Variants in CCSER1 observed in about 807,000 individuals in gnomAD.
The protein encoded by CCSER1 is serine-rich coiled-coil domain-containing protein 1.
In CCSER1, 41 loss-of-function variants were observed where a neutral mutation model predicts 82.0. The ratio of observed to expected loss-of-function variants is 0.50; its 90% confidence interval spans 0.39 to 0.65. The LOEUF is 0.65. Ranked by LOEUF, CCSER1 falls within the 30% of genes least tolerant of loss-of-function variation. The pLI, the probability that CCSER1 is intolerant of heterozygous loss-of-function variation, is 0.00. For synonymous variants in CCSER1, 414 were observed against 383.9 expected, an observed-to-expected ratio of 1.08 and a Z score of -0.92; for missense variants, 1,119 against 1,064.2, an observed-to-expected ratio of 1.05 and a Z score of -0.72.
chr4:90,577,663 G>T (rs1219168375), intron 5 of CCSER1, among the ~76,000 whole-genome samples: 1 of 151,864 alleles, frequency 6.6e-6, no homozygotes, highest in Admixed American at 6.6e-5. Context: ...TTACATGCTG[G>T]CCTGGAATCC....
At chr4:91,486,934 A>G (rs533648119) in intron 10 of CCSER1, among the ~76,000 whole-genome samples, 8 of 152,244 alleles carry the variant, frequency 5.3e-5, no homozygotes, top group African/African-American at 1.9e-4. Context: ...AAAAATTTTA[A>G]TCATGTTGTA....
At chr4:91,415,525 T>C (rs1753307006) in intron 10 of CCSER1, among the ~76,000 whole-genome samples, 1 of 152,180 alleles carries the variant, frequency 6.6e-6, no homozygotes, top group South Asian at 2.1e-4. Flanking sequence ...TTTTGCCCAT[T>C]CTGTATGATA....
chr4:91,265,037 T>C (rs1026084268), intron 10 of CCSER1, among the ~76,000 whole-genome samples: 3 of 152,070 alleles, frequency 2.0e-5, no homozygotes, highest in African/African-American at 7.2e-5. Flanking sequence ...TTTTTTATAT[T>C]GATTTTATAA....
chr4:90,266,338 C>A (rs1725219887), intron 1 of CCSER1, among the ~76,000 whole-genome samples: 1 of 151,996 alleles, frequency 6.6e-6, no homozygotes, highest in African/African-American at 2.4e-5. Context: ...GAAATGTTTT[C>A]TCTGTATTGT....
intron 9 of CCSER1, among the ~76,000 whole-genome samples, chr4:91,053,602 T>C (rs1032066372): frequency 6.6e-6 from 1 of 152,168 alleles, no homozygotes; most frequent in African/African-American, 2.4e-5. Flanking sequence ...CCCTTCATGC[T>C]TGGGAATTTA....
intron 7 of CCSER1, among the ~76,000 whole-genome samples, chr4:90,759,268 AG>A (rs1372750044): frequency 1.3e-5 from 2 of 152,204 alleles, no homozygotes; most frequent in African/African-American, 4.8e-5. Context: ...ATTAATCTGA[AG>A]GCAAGAATGA....
At chr4:91,539,160 ATTC>A (rs1467145050) in intron 10 of CCSER1, among the ~76,000 whole-genome samples, 1 of 151,798 alleles carries the variant, frequency 6.6e-6, no homozygotes, top group Non-Finnish European at 1.5e-5. Flanking sequence ...TCTTATTCAT[ATTC>A]TTTTTTGTTT....
In CCSER1 at chr4:91,066,338, C is replaced by T. The variant is rs116808935; in HGVS notation, c.2173-19612C>T. Among the ~76,000 whole-genome samples the T allele has an allele frequency of 3.3e-3, 498 of 152,266 alleles. 3 individuals carry two copies. The highest frequency in any genetic ancestry group is 0.011 in the African/African-American group (454 of 41,546). Reference sequence around the variant, plus strand: ...TGTGAGTCAACTGTTGCCAAATGGTCGCACAGTTAGCGACAGAGGAGAAAT... The same window carrying T: ...TGTGAGTCAACTGTTGCCAAATGGTTGCACAGTTAGCGACAGAGGAGAAAT... On this transcript the variant is annotated intron_variant, in intron 9 of 10. Coordinates refer to ENST00000509176, the MANE Select transcript of CCSER1 (RefSeq NM_001145065.2).
intron 9 of CCSER1, among the ~76,000 whole-genome samples, chr4:91,011,825 A>G (rs1739024503): frequency 7.4e-6 from 1 of 134,542 alleles, no homozygotes. Flanking sequence ...GTATGAAGCC[A>G]GGTACAGGAA....
intron 10 of CCSER1, among the ~76,000 whole-genome samples, chr4:91,168,995 G>A (rs963273443): frequency 1.3e-5 from 2 of 151,954 alleles, no homozygotes; most frequent in African/African-American, 4.8e-5. Context: ...GATGCTTGAA[G>A]GCAGCATGCT....
intron 5 of CCSER1, among the ~76,000 whole-genome samples, chr4:90,625,837 G>A (rs1188069299): frequency 6.6e-6 from 1 of 152,060 alleles, no homozygotes; most frequent in Admixed American, 6.6e-5. Context: ...ATGCATTTCT[G>A]TACATGGCTC....
intron 7 of CCSER1, among the ~76,000 whole-genome samples, chr4:90,804,513 C>T (rs1464651561): frequency 6.6e-6 from 1 of 152,076 alleles, no homozygotes; most frequent in Non-Finnish European, 1.5e-5. Context: ...TGTCAAAGAT[C>T]AGATGGTTGT....
At chr4:91,548,383 TTC>T (rs141282008) in intron 10 of CCSER1, among the ~76,000 whole-genome samples, 10,029 of 152,080 alleles carry the variant, frequency 0.066, 347 homozygotes, top group Middle Eastern at 0.095. Context: ...AGGAATATAT[TTC>T]TGTTAAGTTA....
intron 10 of CCSER1, among the ~76,000 whole-genome samples, chr4:91,300,639 C>T (rs2149237709): frequency 6.6e-6 from 1 of 151,428 alleles, no homozygotes; most frequent in African/African-American, 2.4e-5. Flanking sequence ...TCATATATCA[C>T]CAAGAAAGGT....
At chr4:90,548,727 GATATAT>G (rs60880201) in intron 5 of CCSER1, among the ~76,000 whole-genome samples, 19 of 143,660 alleles carry the variant, frequency 1.3e-4, no homozygotes, top group Middle Eastern at 3.8e-3. Context: ...ATCATTTAAA[GATATAT>G]ATATATATAT....
intron 5 of CCSER1, among the ~76,000 whole-genome samples, chr4:90,499,522 G>T (rs1769530410): frequency 6.6e-6 from 1 of 151,988 alleles, no homozygotes; most frequent in African/African-American, 2.4e-5. Flanking sequence ...CTTGGTTTCT[G>T]GACATGCCTT....
intron 10 of CCSER1, among the ~76,000 whole-genome samples, chr4:91,087,445 A>G (rs1311866084): frequency 6.6e-6 from 1 of 152,056 alleles, no homozygotes; most frequent in East Asian, 1.9e-4. Context: ...CTTAAATCAT[A>G]TTGCTTATTT....
At chr4:90,413,230 A>G (rs1755169082) in intron 4 of CCSER1, among the ~76,000 whole-genome samples, 1 of 152,238 alleles carries the variant, frequency 6.6e-6, no homozygotes, top group Non-Finnish European at 1.5e-5. Context: ...ATACTTAGGA[A>G]TATACCTAAC....
At chr4:90,556,905 A>G (rs1778207857) in intron 5 of CCSER1, among the ~76,000 whole-genome samples, 2 of 151,776 alleles carry the variant, frequency 1.3e-5, no homozygotes, top group Non-Finnish European at 1.5e-5. Flanking sequence ...TAAGAATTTC[A>G]GTGAATTAAT....
Sources: gnomAD v4.1 joint callset for allele counts (sites outside exome capture counted in the v4.1 genomes callset) on GRCh38, gnomAD v4.1.1 for gene constraint, MANE v1.5 for transcripts, NCBI Gene and HGNC (gene_info 2026-07-23, HGNC 2026-07-21) for gene names.